Variants in RYR3 observed in about 807,000 individuals in gnomAD.
RYR3 encodes brain ryanodine receptor-calcium release channel.
RYR3 carries 207 observed loss-of-function variants against 584.3 expected under a neutral mutation model. The ratio of observed to expected loss-of-function variants is 0.35; its 90% CI spans 0.32 to 0.40. The LOEUF is 0.40. Ranked by LOEUF, RYR3 falls within the 10% of genes least tolerant of loss-of-function variation. The pLI is 1.00. For missense variants in RYR3, 5,616 were observed against 6,089.2 expected (o/e 0.92, Z 2.59); for synonymous variants, 2,416 against 2,248.5 (o/e 1.07, Z -2.11).
At chr15:33,471,594 T>TA (rs3084420) in intron 1 of RYR3, among the ~76,000 whole-genome samples, 1,789 of 142,130 alleles carry the variant, frequency 0.013, 16 homozygotes, top group South Asian at 0.026. Flanking sequence ...CATGCCTTTG[T>TA]AAAAAAAAAA....
intron 10 of RYR3, among the ~76,000 whole-genome samples, chr15:33,561,983 C>T (rs560270794): frequency 6.6e-6 from 1 of 152,036 alleles, no homozygotes; most frequent in Non-Finnish European, 1.5e-5. Flanking sequence ...CAAATTGCTG[C>T]CTGCTTAATG....
chr15:33,736,189 T>G lies in RYR3; in HGVS notation c.7425-46T>G, dbSNP rs775097876. 60 of 1,246,074 alleles carry G rather than the reference T, an allele frequency of 4.8e-5. No homozygotes were observed. The South Asian group carries it at 7.4e-4, about 15-fold the overall frequency. 77.2% of individuals were successfully genotyped at this position (1,246,074 alleles called of 1,614,324 possible). A position where few individuals can be genotyped will look rare whatever the true frequency, so the allele number is the denominator to read the frequency against. On this transcript the variant is annotated intron_variant, in intron 48 of 103. Transcript: ENST00000634891. ...TGTTTCTTTCATTCCTCCTTTATTA[T>G]TATGTTTTCATTTTATTTATCTACG...
chr15:33,646,452 C>T lies in RYR3; in HGVS notation c.3867C>T (p.Arg1289=), dbSNP rs935851970. ...GCAATGCCGACATGATCTATTGCCG[C>T]TTGAGCATGCCTGTCGAGTGCCACT... ...QNSNADMIYC[R]LSMPVECHSS... Residue 1289 remains arginine (R), a synonymous_variant, in exon 29 of 104, where the codon CGC becomes CGT. Coordinates refer to ENST00000634891, the MANE Select transcript of RYR3 (RefSeq NM_001036.6). 5 of 1,613,844 alleles carry T rather than the reference C, an allele frequency of 3.1e-6. No homozygotes were observed. The highest frequency in any genetic ancestry group is 2.7e-5 in the African/African-American group (2 of 74,912).
chr15:33,517,185 A>T (rs1437113594), intron 3 of RYR3, among the ~76,000 whole-genome samples: 1 of 152,012 alleles, frequency 6.6e-6, no homozygotes, highest in Non-Finnish European at 1.5e-5. Flanking sequence ...AGTAGAGATG[A>T]GGTTTCACCG....
chr15:33,643,850 C>G lies in RYR3; in HGVS notation c.3557-461C>G, dbSNP rs535184530. 2.0e-5 allele frequency among the ~76,000 whole-genome samples: 3 copies of G among 152,296 alleles called. No homozygotes were observed. The East Asian group carries it at 5.8e-4, about 29-fold the overall frequency. ...TGCAGCAAGATAACATATTCATCATCTCACATAGTTACCCATCTTTTTGTT... is the reference window on the plus strand; with the variant it reads ...TGCAGCAAGATAACATATTCATCATGTCACATAGTTACCCATCTTTTTGTT... On this transcript the variant is annotated intron_variant, in intron 27 of 103. Coordinates refer to ENST00000634891, the MANE Select transcript of RYR3 (RefSeq NM_001036.6).
At chr15:33,382,819 G>A (rs143248318) in intron 1 of RYR3, among the ~76,000 whole-genome samples, 165 of 152,174 alleles carry the variant, frequency 1.1e-3, no homozygotes, top group African/African-American at 3.8e-3. Flanking sequence ...AGCCCTGGGG[G>A]CATGGGGTGA....
chr15:33,389,509 G>A (rs138346537), intron 1 of RYR3, among the ~76,000 whole-genome samples: 4 of 152,266 alleles, frequency 2.6e-5, no homozygotes, highest in African/African-American at 9.6e-5. Context: ...TGACTATTTT[G>A]TAACAATGGG....
intron 49 of RYR3, among the ~76,000 whole-genome samples, chr15:33,737,028 G>T (rs1398748831): frequency 1.3e-5 from 2 of 152,134 alleles, no homozygotes; most frequent in Non-Finnish European, 2.9e-5. Flanking sequence ...CCAAAGTGCT[G>T]GGATTACAGG....
intron 1 of RYR3, among the ~76,000 whole-genome samples, chr15:33,426,915 G>C (rs1026662127): frequency 1.1e-4 from 16 of 152,316 alleles, no homozygotes; most frequent in African/African-American, 3.8e-4. Context: ...TGGGATGAGA[G>C]AGCTCTGGTC....
intron 60 of RYR3, among the ~76,000 whole-genome samples, chr15:33,761,119 A>G (rs756972756): frequency 1.3e-5 from 2 of 152,224 alleles, no homozygotes; most frequent in Non-Finnish European, 2.9e-5. Flanking sequence ...AGGGAAATTT[A>G]TAATACCAAA....
intron 102 of RYR3, 47 bp from the exon 103 acceptor site, chr15:33,864,091 C>T: frequency 7.0e-7 from 1 of 1,435,626 alleles, no homozygotes; most frequent in South Asian, 1.2e-5. Flanking sequence ...TGCGAATGAA[C>T]TTGGGTCTTG....
chr15:33,793,943 A>T (rs12909019), intron 67 of RYR3, among the ~76,000 whole-genome samples: 1 of 139,722 alleles, frequency 7.2e-6, no homozygotes, highest in Non-Finnish European at 1.5e-5. Flanking sequence ...TACATATATA[A>T]ATATATATTT....
chr15:33,316,123 A>G (rs1968138010), intron 1 of RYR3, among the ~76,000 whole-genome samples: 1 of 152,226 alleles, frequency 6.6e-6, no homozygotes, highest in Non-Finnish European at 1.5e-5. Context: ...AAAAATGGTG[A>G]AAAAGAAAAG....
chr15:33,652,936 C>T, intron 32 of RYR3, 53 bp downstream of exon 32: 4 of 1,530,328 alleles, frequency 2.6e-6, no homozygotes, highest in Non-Finnish European at 3.5e-6. Context: ...TGGTGTTTAT[C>T]ACTGTGTTCC....
intron 19 of RYR3, among the ~76,000 whole-genome samples, chr15:33,617,140 C>A (rs559436550): frequency 6.6e-6 from 1 of 152,124 alleles, no homozygotes; most frequent in African/African-American, 2.4e-5. Flanking sequence ...ATTGGTCGGG[C>A]GTGGTGGCTC....
chr15:33,628,220 G>A (rs2061091902), intron 20 of RYR3, among the ~76,000 whole-genome samples: 1 of 152,132 alleles, frequency 6.6e-6, no homozygotes, highest in African/African-American at 2.4e-5. Context: ...ATTCACATGT[G>A]AAGAACATTC....
chr15:33,748,478 A>T lies in RYR3; in HGVS notation c.8147A>T (p.Tyr2716Phe), dbSNP rs750938045. 1.2e-6 allele frequency: 2 copies of T among 1,613,432 alleles called. No homozygotes were observed. ...SVSQANQGNSYSPAPLDLSNV... is the reference protein window; with the variant it reads ...SVSQANQGNSFSPAPLDLSNV... ...CCTTTGCTTTCCTAGGGCAACAGCT[A>T]CAGTCCTGCTCCCCTCGACCTCTCA... The change falls in exon 55 of 104, where the codon TAC (tyrosine) becomes TTC (phenylalanine). Residue 2716 changes from tyrosine to phenylalanine, a missense_variant. Tyr to Phe is a conservative substitution (Grantham distance 22). This residue lies in a region of RYR3 where 1,280 missense variants were observed against 1,426.2 expected (regional missense o/e 0.90). Transcript: ENST00000634891.
At chr15:33,364,456 C>T (rs1975197638) in intron 1 of RYR3, among the ~76,000 whole-genome samples, 1 of 152,198 alleles carries the variant, frequency 6.6e-6, no homozygotes, top group Admixed American at 6.5e-5. Flanking sequence ...CTATCCCTTT[C>T]CTCTACATCT....
At chr15:33,805,068 G>A (rs974878476) in intron 69 of RYR3, among the ~76,000 whole-genome samples, 4 of 152,182 alleles carry the variant, frequency 2.6e-5, no homozygotes, top group African/African-American at 9.7e-5. Context: ...TGTATATTTT[G>A]TGTATATAAC....
Sources: allele counts gnomAD v4.1 joint callset (sites outside exome capture counted in the v4.1 genomes callset), GRCh38; gene constraint gnomAD v4.1.1; regional missense constraint gnomAD v4.1.1; transcripts MANE v1.5; gene names NCBI Gene and HGNC (gene_info 2026-07-23, HGNC 2026-07-21).